Variants in OR4C12 observed in about 807,000 individuals in gnomAD.
OR4C12 encodes olfactory receptor family 4 subfamily C member 12.
OR4C12 carries 11 observed loss-of-function variants against 12.3 expected under a neutral mutation model. That is an observed-to-expected ratio of 0.89 (90% CI 0.56 to 1.48). The LOEUF (loss-of-function observed/expected upper bound fraction) is 1.48, where lower values mean the gene tolerates loss of function less well. Ranked by LOEUF, OR4C12 falls within the 40% of genes most tolerant of loss-of-function variation. The pLI is 0.00. For synonymous variants in OR4C12, 138 were observed against 133.2 expected (o/e 1.04, Z -0.25); for missense variants, 414 against 365.8 (o/e 1.13, Z -1.08).
At position 49,982,367 on chromosome 11, in the gene OR4C12, A is replaced by G. The variant is rs782711912; in HGVS notation, c.135T>C (p.Val45=). The part of the protein sequence containing the change: ...ITLSGNLLIV[V]TITTSQALSS... Reference sequence around the variant, plus strand: ...TCAGAGCCTGGCTGGTGGTAATGGTAACCACAATGAGCAGGTTGCCTGAAA... The same window carrying G: ...TCAGAGCCTGGCTGGTGGTAATGGTGACCACAATGAGCAGGTTGCCTGAAA... The change falls in exon 1 of 1, where the codon GTT becomes GTC. Residue 45 remains valine (V), a synonymous_variant. Transcript: ENST00000335238. 3.1e-6 allele frequency: 5 copies of G among 1,614,016 alleles called. No individual in the cohort carries two copies. In the East Asian group the frequency reaches 6.7e-5, roughly 22 times the overall value.
rs782776432 is a variant in OR4C12 at position 49,981,776 on chromosome 11, G to C, written c.726C>G (p.Ile242Met). The change falls in exon 1 of 1, where the codon ATC becomes ATG. Residue 242 changes from isoleucine (I) to methionine (M), a missense_variant. Ile to Met is a conservative substitution (Grantham distance 10, BLOSUM62 1). Transcript: ENST00000335238. Reference protein sequence around the residue: ...CKALSTCISHIIVVVLFFVPC... With the variant: ...CKALSTCISHMIVVVLFFVPC... The stretch of plus-strand genomic sequence containing the variant: ...GCACAAAGAATAAGACAACTACTAT[G>C]ATGTGAGAAATACAGGTGGAGAGGG... The C allele has an allele frequency of 1.2e-6, 2 of 1,613,734 alleles. No individual in the cohort carries two copies.
In OR4C12 at chr11:49,981,680, A is replaced by T; in HGVS notation, c.822T>A (p.Thr274=). 1 of 1,613,400 alleles carries T rather than the reference A, an allele frequency of 6.2e-7. No homozygotes were observed. The highest frequency in any genetic ancestry group is 1.3e-5 in the African/African-American group (1 of 75,030). ...PIDKAVAVFY[T]MVVPMLNPVV... ...CGGGATTTAACATTGGGACCACCAT[A>T]GTATAAAATACAGCAACAGCTTTAT... The change falls in exon 1 of 1, where the codon ACT becomes ACA. Residue 274 remains threonine, a synonymous_variant. Transcript: ENST00000335238.
At position 49,982,372 on chromosome 11, in the gene OR4C12, C is replaced by A. The variant is rs1555020324; in HGVS notation, c.130G>T (p.Val44Leu). ...GCCTGGCTGGTGGTAATGGTAACCA[C>A]AATGAGCAGGTTGCCTGAAAGTGTT... is the stretch of plus-strand genomic sequence containing the variant. ...MITLSGNLLIVVTITTSQALS... is the reference protein window; with the variant it reads ...MITLSGNLLILVTITTSQALS... Residue 44 changes from valine to leucine, a missense_variant, in exon 1 of 1, where the codon GTG becomes TTG. Physicochemically the swap from Val to Leu is conservative, Grantham distance 32. Coordinates refer to ENST00000335238, the MANE Select transcript of OR4C12 (RefSeq NM_001005270.4). 1 of 1,613,838 alleles carries A rather than the reference C, an allele frequency of 6.2e-7. No homozygotes were observed. Among genetic ancestry groups the A allele is most frequent in the Non-Finnish European group, 8.5e-7 (1 of 1,179,950 alleles).
At position 49,981,998 on chromosome 11, in the gene OR4C12, G is replaced by T; in HGVS notation, c.504C>A (p.Gly168=). ...ILFTVWLPFC[G]PNVIGHFMCD... is the part of the protein sequence containing the mutation. ...ACATGAAGTGGCCTATGACATTGGG[G>T]CCACAGAAGGGCAGCCATACTGTAA... The change falls in exon 1 of 1, where the codon GGC becomes GGA. Residue 168 remains glycine, a synonymous_variant. Coordinates refer to ENST00000335238, the MANE Select transcript of OR4C12 (RefSeq NM_001005270.4). 1 of 1,614,124 alleles carries T rather than the reference G, an allele frequency of 6.2e-7. No individual in the cohort carries two copies. The highest frequency in any genetic ancestry group is 1.1e-5 in the South Asian group (1 of 91,084).
Position 49,981,696 on chromosome 11 carries a change from A to G in OR4C12, c.806T>C (p.Val269Ala). 6.2e-7 allele frequency: 1 copy of G among 1,613,680 alleles called. No individual in the cohort carries two copies. The change falls in exon 1 of 1, where the codon GTT becomes GCT. Residue 269 changes from valine (V) to alanine (A), a missense_variant. Coordinates refer to ENST00000335238, the MANE Select transcript of OR4C12 (RefSeq NM_001005270.4). ...GACCACCATAGTATAAAATACAGCA[A>G]CAGCTTTATCAATGGGCAGAGTGGT... ...SVTTLPIDKA[V>A]AVFYTMVVPM...
At position 49,981,808 on chromosome 11, in the gene OR4C12, AC is replaced by A; in HGVS notation, c.693del (p.Arg231SerfsTer13). The A allele has an allele frequency of 6.2e-7, 1 of 1,611,262 alleles. No individual in the cohort carries two copies. Among genetic ancestry groups the A allele is most frequent in the Middle Eastern group, 1.7e-4 (1 of 6,058 alleles). On this transcript the variant is annotated frameshift_variant, in exon 1 of 1. Transcript: ENST00000335238. LOFTEE classifies it high-confidence loss of function. ...GAAATACAGGTGGAGAGGGCTTTAC[AC>A]CTCCCCTCCAAGCTATTGTTCTTTA... ...RSLKNNSLEG[R>X]CKALSTCISH...
chr11:49,982,459 G>A lies in OR4C12; in HGVS notation c.43C>T (p.Leu15Phe). ...TTCTCCATTATGGGGTTCTGTGTAA[G>A]ACCTATTAAAATGAATTCAGTCACA... ...KNVTEFILIGLTQNPIMEKVT... is the reference protein window; with the variant it reads ...KNVTEFILIGFTQNPIMEKVT... The change falls in exon 1 of 1, where the codon CTT becomes TTT. Residue 15 changes from leucine to phenylalanine, a missense_variant. Physicochemically the swap from Leu to Phe is conservative, Grantham distance 22. Coordinates refer to ENST00000335238, the MANE Select transcript of OR4C12 (RefSeq NM_001005270.4). 6.2e-7 allele frequency: 1 copy of A among 1,612,504 alleles called. No homozygotes were observed. Among genetic ancestry groups the A allele is most frequent in the Non-Finnish European group, 8.5e-7 (1 of 1,178,916 alleles).
At position 49,982,090 on chromosome 11, in the gene OR4C12, G is replaced by A. The variant is rs782267613; in HGVS notation, c.412C>T (p.Leu138=). ...GCCACTGCCACCAGGAGAATGCACA[G>A]GCTGTGGCTCATAATGGTTGTGTAG... ...LNYTTIMSHS[L]CILLVAVAWV... Residue 138 remains leucine (L), a synonymous_variant, in exon 1 of 1, where the codon CTG becomes TTG. Coordinates refer to ENST00000335238, the MANE Select transcript of OR4C12 (RefSeq NM_001005270.4). 6.2e-7 allele frequency: 1 copy of A among 1,614,202 alleles called. No individual in the cohort carries two copies. Among genetic ancestry groups the A allele is most frequent in the South Asian group, 1.1e-5 (1 of 91,086 alleles).
rs781790812 is a variant in OR4C12, at chr11:49,981,562, A to G, written c.*10T>C. The G allele has an allele frequency of 2.0e-6, 3 of 1,521,004 alleles. No individual in the cohort carries two copies. Among genetic ancestry groups the G allele is most frequent in the South Asian group, 1.1e-5 (1 of 87,650 alleles). The allele number at this position is 1,521,004 out of a possible 1,614,324, so 94.2% of individuals were successfully genotyped here. On this transcript the variant is annotated 3_prime_UTR_variant, in exon 1 of 1. Transcript: ENST00000335238. The stretch of plus-strand genomic sequence containing the variant: ...CTATTACCTCTATGTTGAGTGCTCA[A>G]TGGTCTTATTTAATCATTATCTGAA...
At position 49,981,527 on chromosome 11, in the gene OR4C12, G is replaced by A; in HGVS notation, c.*45C>T. On this transcript the variant is annotated 3_prime_UTR_variant, in exon 1 of 1. Transcript: ENST00000335238. ...GACATATTCATCTACAAATCAAGAA[G>A]CTTAAATACCTATTACCTCTATGTT... 8.9e-7 allele frequency: 1 copy of A among 1,122,192 alleles called. No homozygotes were observed. Among genetic ancestry groups the A allele is most frequent in the Non-Finnish European group, 1.3e-6 (1 of 766,474 alleles). 69.5% of individuals were successfully genotyped at this position (1,122,192 alleles called of 1,614,324 possible).
At position 49,982,335 on chromosome 11, in the gene OR4C12, G is replaced by T. The variant is rs781918776; in HGVS notation, c.167C>A (p.Pro56His). 1 of 1,613,942 alleles carries T rather than the reference G, an allele frequency of 6.2e-7. No homozygotes were observed. The highest frequency in any genetic ancestry group is 1.3e-5 in the African/African-American group (1 of 74,906). ...AAGGTGGGTCAGGAAGAAGTACATGGGGGAGCTCAGAGCCTGGCTGGTGGT... is the reference window on the plus strand; with the variant it reads ...AAGGTGGGTCAGGAAGAAGTACATGTGGGAGCTCAGAGCCTGGCTGGTGGT... ...TITTSQALSS[P>H]MYFFLTHLSL... is the part of the protein sequence containing the mutation. Residue 56 changes from proline (P) to histidine (H), a missense_variant, in exon 1 of 1, where the codon CCC becomes CAC. Pro to His is a moderately conservative substitution (Grantham distance 77). Coordinates refer to ENST00000335238, the MANE Select transcript of OR4C12 (RefSeq NM_001005270.4).
In OR4C12 at chr11:49,981,921, C is replaced by T; in HGVS notation, c.581G>A (p.Gly194Asp). 1 of 1,613,808 alleles carries T rather than the reference C, an allele frequency of 6.2e-7. No individual in the cohort carries two copies. Among genetic ancestry groups the T allele is most frequent in the East Asian group, 2.2e-5 (1 of 44,868 alleles). Residue 194 changes from glycine (G) to aspartate (D), a missense_variant, in exon 1 of 1, where the codon GGT (glycine) becomes GAT (aspartate). By Grantham distance (94) the Gly-to-Asp change is moderately conservative. Transcript: ENST00000335238. ...CCCACTGTTCACAGCAACAAAGAGA[C>T]CAAGGGTATGAGTGTCTATGCAAAC... ...KLVCIDTHTL[G>D]LFVAVNSGFI... is the part of the protein sequence containing the mutation.
At position 49,981,758 on chromosome 11, in the gene OR4C12, G is replaced by A; in HGVS notation, c.744C>T (p.Phe248=). Residue 248 remains phenylalanine, a synonymous_variant, in exon 1 of 1, where the codon TTC becomes TTT. Coordinates refer to ENST00000335238, the MANE Select transcript of OR4C12 (RefSeq NM_001005270.4). ...GATACACAAATATACAGGGCACAAA[G>A]AATAAGACAACTACTATGATGTGAG... ...CISHIIVVVL[F]FVPCIFVYLR... The A allele has an allele frequency of 6.2e-7, 1 of 1,613,910 alleles. No individual in the cohort carries two copies. Among genetic ancestry groups the A allele is most frequent in the Non-Finnish European group, 8.5e-7 (1 of 1,179,928 alleles).
chr11:49,981,712 G>T lies in OR4C12; in HGVS notation c.790C>A (p.Pro264Thr). The T allele has an allele frequency of 6.2e-7, 1 of 1,613,568 alleles. No individual in the cohort carries two copies. The highest frequency in any genetic ancestry group is 2.2e-5 in the East Asian group (1 of 44,850). ...AATACAGCAACAGCTTTATCAATGG[G>T]CAGAGTGGTCACTGAGCGCAGATAC... ...FVYLRSVTTLPIDKAVAVFYT... is the reference protein window; with the variant it reads ...FVYLRSVTTLTIDKAVAVFYT... The change falls in exon 1 of 1, where the codon CCC becomes ACC. Residue 264 changes from proline to threonine, a missense_variant. Transcript: ENST00000335238.
At position 49,982,321 on chromosome 11, in the gene OR4C12, G is replaced by A. The variant is rs1555020310; in HGVS notation, c.181C>T (p.Leu61=). ...GTGTCTATCAAAGAAAGGTGGGTCA[G>A]GAAGAAGTACATGGGGGAGCTCAGA... The part of the protein sequence containing the change: ...QALSSPMYFF[L]THLSLIDTVY... The change falls in exon 1 of 1, where the codon CTG becomes TTG. Residue 61 remains leucine (L), a synonymous_variant. Coordinates refer to ENST00000335238, the MANE Select transcript of OR4C12 (RefSeq NM_001005270.4). The A allele has an allele frequency of 3.1e-6, 5 of 1,614,090 alleles. No homozygotes were observed. The South Asian group carries it at 5.5e-5, about 18-fold the overall frequency.
At position 49,982,183 on chromosome 11, in the gene OR4C12, C is replaced by A; in HGVS notation, c.319G>T (p.Ala107Ser). ...AQAYAEHIFGATEIILLTVMA... is the reference protein window; with the variant it reads ...AQAYAEHIFGSTEIILLTVMA... The stretch of plus-strand genomic sequence containing the variant: ...ACTGTCAGCAGGATGATCTCAGTAG[C>A]ACCAAAAATGTGTTCTGCATAGGCT... Residue 107 changes from alanine (A) to serine (S), a missense_variant, in exon 1 of 1, where the codon GCT becomes TCT. Coordinates refer to ENST00000335238, the MANE Select transcript of OR4C12 (RefSeq NM_001005270.4). 6 of 1,614,044 alleles carry A rather than the reference C, an allele frequency of 3.7e-6. No individual in the cohort carries two copies. Among genetic ancestry groups the A allele is most frequent in the Non-Finnish European group, 5.1e-6 (6 of 1,179,954 alleles).
chr11:49,982,281 G>C lies in OR4C12; in HGVS notation c.221C>G (p.Ser74Cys). The C allele has an allele frequency of 6.2e-7, 1 of 1,613,944 alleles. No homozygotes were observed. The highest frequency in any genetic ancestry group is 1.1e-5 in the South Asian group (1 of 91,074). The change falls in exon 1 of 1, where the codon TCT becomes TGT. Residue 74 changes from serine to cysteine, a missense_variant. Coordinates refer to ENST00000335238, the MANE Select transcript of OR4C12 (RefSeq NM_001005270.4). ...ATCCACAATCAACTTAGGAGCTGAA[G>C]AAGAAGAATAAACTGTGTCTATCAA... ...LSLIDTVYSSSSAPKLIVDSF... is the reference protein window; with the variant it reads ...LSLIDTVYSSCSAPKLIVDSF...
Position 49,982,254 on chromosome 11 carries a change from G to A in OR4C12, c.248C>T (p.Ser83Phe). ...SSSAPKLIVD[S>F]FQEKKIISFN... ...GGAGATGATTTTCTTCTCTTGAAAGGAATCCACAATCAACTTAGGAGCTGA... is the reference window on the plus strand; with the variant it reads ...GGAGATGATTTTCTTCTCTTGAAAGAAATCCACAATCAACTTAGGAGCTGA... Residue 83 changes from serine (S) to phenylalanine (F), a missense_variant, in exon 1 of 1, where the codon TCC becomes TTC. Ser to Phe is a radical substitution (Grantham distance 155, BLOSUM62 -2). Transcript: ENST00000335238. 5.6e-6 allele frequency: 9 copies of A among 1,614,064 alleles called. No individual in the cohort carries two copies. Among genetic ancestry groups the A allele is most frequent in the Non-Finnish European group, 7.6e-6 (9 of 1,179,932 alleles).
rs147895623 is a variant in OR4C12, at chr11:49,981,933, G to A, written c.569C>T (p.Thr190Ile). 1.4e-4 allele frequency: 223 copies of A among 1,614,012 alleles called. 1 individual carries two copies. The African/African-American group carries it at 2.3e-3, about 17-fold the overall frequency. ...AGCAACAAAGAGACCAAGGGTATGAGTGTCTATGCAAACAAGTTTTAACAA... is the reference window on the plus strand; with the variant it reads ...AGCAACAAAGAGACCAAGGGTATGAATGTCTATGCAAACAAGTTTTAACAA... ...YPLLKLVCID[T>I]HTLGLFVAVN... is the part of the protein sequence containing the mutation. The change falls in exon 1 of 1, where the codon ACT (threonine) becomes ATT (isoleucine). Residue 190 changes from threonine to isoleucine, a missense_variant. Thr to Ile is a moderately conservative substitution (Grantham distance 89). Transcript: ENST00000335238.
Sources: gnomAD v4.1 joint callset for allele counts on GRCh38, gnomAD v4.1.1 for gene constraint, MANE v1.5 for transcripts, NCBI Gene and HGNC (gene_info 2026-07-23, HGNC 2026-07-21) for gene names.